The following ZCCHC24 variants were observed in gnomAD, a reference collection of about 807,000 sequenced individuals.
ZCCHC24 encodes the protein zinc finger CCHC-type containing 24.
A neutral mutation model predicts 26.2 loss-of-function variants in ZCCHC24; 10 were observed. The ratio of observed to expected loss-of-function variants is 0.38; its 90% CI spans 0.24 to 0.65. The LOEUF is 0.65. Ranked by LOEUF, ZCCHC24 falls within the 30% of genes least tolerant of loss-of-function variation. ZCCHC24 has a pLI of 0.54. For synonymous variants in ZCCHC24, 144 were observed against 147.1 expected (o/e 0.98, Z 0.15); for missense variants, 243 against 329.1 (o/e 0.74, Z 2.03).
At chr10:79,431,065 C>A (rs1857120344) in intron 2 of ZCCHC24, among the ~76,000 whole-genome samples, 1 of 152,248 alleles carries the variant, frequency 6.6e-6, no homozygotes, top group South Asian at 2.1e-4. Context: ...CAGCACAGTG[C>A]CTGTCTCCTT....
chr10:79,386,311 C>T lies in ZCCHC24; in HGVS notation c.*34G>A, dbSNP rs759519605. ...GGGAAGCAGCGTCTCCTCGGGCTGG[C>T]GGGGGGTGGCTCTGGGTGCGGGCGG... is the stretch of plus-strand genomic sequence containing the variant. On this transcript the variant is annotated 3_prime_UTR_variant, in exon 4 of 4. Transcript: ENST00000372336. 2.8e-5 allele frequency: 45 copies of T among 1,593,028 alleles called. No individual in the cohort carries two copies. Among genetic ancestry groups the T allele is most frequent in the Middle Eastern group, 1.7e-4 (1 of 6,052 alleles).
At position 79,386,285 on chromosome 10, in the gene ZCCHC24, A is replaced by G. The variant is rs1589656352; in HGVS notation, c.*60T>C. ...GACACGCAGCCCCTCGGAGTAGCAC[A>G]GGGAAGCAGCGTCTCCTCGGGCTGG... On this transcript the variant is annotated 3_prime_UTR_variant, in exon 4 of 4. Coordinates refer to ENST00000372336, the MANE Select transcript of ZCCHC24 (RefSeq NM_153367.4). The G allele has an allele frequency of 1.3e-6, 2 of 1,515,684 alleles. No homozygotes were observed. Among genetic ancestry groups the G allele is most frequent in the East Asian group, 4.6e-5 (2 of 43,476 alleles). 93.9% of individuals were successfully genotyped at this position (1,515,684 alleles called of 1,614,324 possible). A position where few individuals can be genotyped will look rare whatever the true frequency, so the allele number is the denominator to read the frequency against.
chr10:79,390,712 C>G (rs576403705), intron 3 of ZCCHC24, among the ~76,000 whole-genome samples: 2 of 152,224 alleles, frequency 1.3e-5, no homozygotes, highest in African/African-American at 4.8e-5. Context: ...GGGCCTCCCC[C>G]ACTCCCTGCA....
At chr10:79,444,730 T>A (rs1316513070) in intron 1 of ZCCHC24, among the ~76,000 whole-genome samples, 2 of 152,198 alleles carry the variant, frequency 1.3e-5, no homozygotes, top group East Asian at 3.9e-4. Context: ...GAGAAAAGAT[T>A]TTAGGCCCTT....
chr10:79,389,685 G>A (rs964112710), intron 3 of ZCCHC24, among the ~76,000 whole-genome samples: 1 of 150,812 alleles, frequency 6.6e-6, no homozygotes, highest in Non-Finnish European at 1.5e-5. Context: ...ATGCTATCTC[G>A]GCTCACAGCA....
At chr10:79,436,662 T>A (rs1368093736) in intron 1 of ZCCHC24, among the ~76,000 whole-genome samples, 1 of 152,226 alleles carries the variant, frequency 6.6e-6, no homozygotes, top group African/African-American at 2.4e-5. Context: ...CCCCACAGCC[T>A]GCCCTGGGTG....
At chr10:79,393,837 A>G (rs1856508333) in intron 3 of ZCCHC24, among the ~76,000 whole-genome samples, 1 of 151,868 alleles carries the variant, frequency 6.6e-6, no homozygotes, top group African/African-American at 2.4e-5. Flanking sequence ...CAGGTCCCCA[A>G]GTCAGCATCA....
At chr10:79,429,028 C>T (rs1318760392) in intron 2 of ZCCHC24, among the ~76,000 whole-genome samples, 2 of 152,164 alleles carry the variant, frequency 1.3e-5, no homozygotes, top group East Asian at 1.9e-4. Context: ...CAGACGGCAT[C>T]GCAGGTGAAT....
chr10:79,432,703 A>T lies in ZCCHC24; in HGVS notation c.302T>A (p.Ile101Asn). 1 of 1,609,262 alleles carries T rather than the reference A, an allele frequency of 6.2e-7. No homozygotes were observed. Among genetic ancestry groups the T allele is most frequent in the East Asian group, 2.2e-5 (1 of 44,688 alleles). ...GASPYGSLNNIADGLSSLTEH... is the reference protein window; with the variant it reads ...GASPYGSLNNNADGLSSLTEH... ...GGTGAGGGAGCTGAGGCCATCGGCG[A>T]TGTTGTTGAGGGAGCCATAGGGTGA... The change falls in exon 2 of 4, where the codon ATC becomes AAC. Residue 101 changes from isoleucine to asparagine, a missense_variant. Ile to Asn is a moderately radical substitution (Grantham distance 149). Transcript: ENST00000372336.
At chr10:79,433,489 T>C (rs959429296) in intron 1 of ZCCHC24, among the ~76,000 whole-genome samples, 9 of 152,240 alleles carry the variant, frequency 5.9e-5, no homozygotes, top group Non-Finnish European at 1.0e-4. Flanking sequence ...CCTCCTGGTA[T>C]ATACAGCCTC....
intron 2 of ZCCHC24, among the ~76,000 whole-genome samples, chr10:79,426,104 C>T (rs1857023025): frequency 6.6e-6 from 1 of 152,216 alleles, no homozygotes; most frequent in Non-Finnish European, 1.5e-5. Flanking sequence ...ATGTGAGAGG[C>T]CCCATCAGTC....
At chr10:79,391,430 G>A (rs1589658818) in intron 3 of ZCCHC24, among the ~76,000 whole-genome samples, 1 of 152,148 alleles carries the variant, frequency 6.6e-6, no homozygotes, top group South Asian at 2.1e-4. Context: ...GGGCAGTATC[G>A]GGGCAGGGGC....
At chr10:79,391,346 T>C (rs986413742) in intron 3 of ZCCHC24, among the ~76,000 whole-genome samples, 1 of 151,832 alleles carries the variant, frequency 6.6e-6, no homozygotes, top group African/African-American at 2.4e-5. Flanking sequence ...AGCTTGGGGA[T>C]GGTGACACAA....
chr10:79,444,183 C>T (rs1409690282), intron 1 of ZCCHC24: 13 of 1,532,408 alleles, frequency 8.5e-6, no homozygotes, highest in Admixed American at 4.2e-5. Flanking sequence ...GCAGAGAAAA[C>T]CCCCACAAGG....
chr10:79,385,972 A>C lies in ZCCHC24; in HGVS notation c.*373T>G. The C allele has an allele frequency of 2.3e-6, 1 of 426,122 alleles. No homozygotes were observed. Among genetic ancestry groups the C allele is most frequent in the Non-Finnish European group, 4.2e-6 (1 of 240,262 alleles). The allele number at this position is 426,122 out of a possible 1,614,324, so 26.4% of individuals were successfully genotyped here. A position where few individuals can be genotyped will look rare whatever the true frequency, so the allele number is the denominator to read the frequency against. ...TGGTCTGGGGAGGTTTGGGATTCAC[A>C]GTCAATTTAGTGCACCTGTGGCCAA... On this transcript the variant is annotated 3_prime_UTR_variant, in exon 4 of 4. Coordinates refer to ENST00000372336, the MANE Select transcript of ZCCHC24 (RefSeq NM_153367.4). This position sits in a 1 kb window ranked among gnomAD's most constrained non-coding sequence, Gnocchi z 4.3.
intron 1 of ZCCHC24, 120 bp downstream of exon 1, chr10:79,445,075 C>T: frequency 1.9e-6 from 2 of 1,039,348 alleles, no homozygotes; most frequent in Non-Finnish European, 1.2e-6. Context: ...CCAAGCCGGG[C>T]CCGGCAATGC....
At chr10:79,395,193 A>G (rs1856529221) in intron 2 of ZCCHC24, among the ~76,000 whole-genome samples, 2 of 150,698 alleles carry the variant, frequency 1.3e-5, no homozygotes, top group Non-Finnish European at 3.0e-5. Context: ...ACGTAGGTGC[A>G]TACAGCTGTG....
Position 79,386,325 on chromosome 10 carries a change from G to A in ZCCHC24, c.*20C>T. 6.2e-7 allele frequency: 1 copy of A among 1,608,084 alleles called. No individual in the cohort carries two copies. The highest frequency in any genetic ancestry group is 2.2e-5 in the East Asian group (1 of 44,728). ...CCTCGGGCTGGCGGGGGGTGGCTCTGGGTGCGGGCGGGCAGCCCGTCACTG... is the reference window on the plus strand; with the variant it reads ...CCTCGGGCTGGCGGGGGGTGGCTCTAGGTGCGGGCGGGCAGCCCGTCACTG... On this transcript the variant is annotated 3_prime_UTR_variant, in exon 4 of 4. Coordinates refer to ENST00000372336, the MANE Select transcript of ZCCHC24 (RefSeq NM_153367.4).
At chr10:79,423,996 C>A (rs1176582228) in intron 2 of ZCCHC24, among the ~76,000 whole-genome samples, 5 of 140,684 alleles carry the variant, frequency 3.6e-5, no homozygotes, top group African/African-American at 1.3e-4. Flanking sequence ...CCAGCCTGGG[C>A]AACAGAGCGA....
Sources: allele counts gnomAD v4.1 joint callset (sites outside exome capture counted in the v4.1 genomes callset), GRCh38; gene constraint gnomAD v4.1.1; non-coding constraint Gnocchi (gnomAD v3.1); transcripts MANE v1.5; gene names NCBI Gene and HGNC (gene_info 2026-07-23, HGNC 2026-07-21).